The following DNAH7 variants were observed in gnomAD, a reference collection of about 807,000 sequenced individuals.
The protein encoded by DNAH7 is dynein axonemal heavy chain 7, also known as axonemal beta dynein heavy chain 7.
In DNAH7, 397 loss-of-function variants were observed where a neutral mutation model predicts 444.6. That is an observed-to-expected ratio of 0.89 (90% CI 0.82 to 0.97). DNAH7 has a LOEUF of 0.97. Ranked by LOEUF, DNAH7 falls within the 50% of genes least tolerant of loss-of-function variation. The pLI is 0.00. For missense variants in DNAH7, 4,902 were observed against 4,800.8 expected, an observed-to-expected ratio of 1.02 and a Z score of -0.62; for synonymous variants, 1,636 against 1,624.4, an observed-to-expected ratio of 1.01 and a Z score of -0.17.
In DNAH7 at chr2:195,910,120, A is replaced by C. The variant is rs1399871413; in HGVS notation, c.4011T>G (p.Thr1337=). The C allele has an allele frequency of 2.5e-6, 4 of 1,613,938 alleles. No homozygotes were observed. The highest frequency in any genetic ancestry group is 3.4e-6 in the Non-Finnish European group (4 of 1,179,874). Residue 1337 remains threonine, a synonymous_variant, in exon 25 of 65, where the codon ACT becomes ACG. Transcript: ENST00000312428. The part of the protein sequence containing the change: ...EGPAGTGKTE[T]TKDLAKAVAK... ...CTACAGCTTTTGCCAAATCCTTGGT[A>C]GTTTCAGTCTTCCCAGTGCCAGCTG... is the stretch of plus-strand genomic sequence containing the variant.
rs762518827 is a variant in DNAH7, at chr2:195,864,485, A to G, written c.7170T>C (p.Gly2390=). The G allele has an allele frequency of 6.2e-7, 1 of 1,614,152 alleles. No homozygotes were observed. Among genetic ancestry groups the G allele is most frequent in the Non-Finnish European group, 8.5e-7 (1 of 1,180,020 alleles). ...LKVILRKCAE[G]EMQGVFLFTD... is the part of the protein sequence containing the mutation. ...TAAACAGGAAGACACCCTGCATCTC[A>G]CCTTCCGCACATTTCCTTAAGATCA... is the stretch of plus-strand genomic sequence containing the variant. Residue 2390 remains glycine (G), a synonymous_variant, in exon 41 of 65, where the codon GGT becomes GGC. Coordinates refer to ENST00000312428, the MANE Select transcript of DNAH7 (RefSeq NM_018897.3).
intron 61 of DNAH7, among the ~76,000 whole-genome samples, chr2:195,766,837 GAAAT>G (rs972518115): frequency 2.6e-5 from 4 of 152,102 alleles, no homozygotes; most frequent in Admixed American, 6.5e-5. Context: ...ACAAAAATAA[GAAAT>G]AAATAAGTAA....
intron 8 of DNAH7, among the ~76,000 whole-genome samples, 159 bp from the exon 9 acceptor site, chr2:196,019,454 A>C (rs961144754): frequency 2.6e-5 from 4 of 152,140 alleles, no homozygotes; most frequent in Non-Finnish European, 5.9e-5. Context: ...TATAAAGATC[A>C]TATGTTTTAT....
chr2:195,886,439 G>C (rs1322214465), intron 33 of DNAH7, among the ~76,000 whole-genome samples, 167 bp from the exon 34 acceptor site: 1 of 152,060 alleles, frequency 6.6e-6, no homozygotes, highest in African/African-American at 2.4e-5. Flanking sequence ...GGGAGAACTG[G>C]ATGTTACATT....
At chr2:195,781,670 AAC>A (rs34150923) in intron 58 of DNAH7, among the ~76,000 whole-genome samples, 106,540 of 149,830 alleles carry the variant, frequency 0.71, 37,957 homozygotes, top group African/African-American at 0.75. Context: ...TAACTAGCAA[AAC>A]ACACACACAC....
intron 49 of DNAH7, among the ~76,000 whole-genome samples, chr2:195,821,804 G>A (rs1697486014): frequency 6.6e-6 from 1 of 152,164 alleles, no homozygotes; most frequent in Non-Finnish European, 1.5e-5. Context: ...TCCTGCTACT[G>A]GGTGGGAGAT....
Position 195,777,713 on chromosome 2 carries a change from C to G in DNAH7, c.11064+87G>C, listed in dbSNP as rs377346524. Reference sequence around the variant, plus strand: ...AAGGGTAACAAAAAAACAAGGCCTGCAGCAAAATCACCATTTAAAAAATAT... The same window carrying G: ...AAGGGTAACAAAAAAACAAGGCCTGGAGCAAAATCACCATTTAAAAAATAT... On this transcript the variant is annotated intron_variant, in intron 59 of 64. Transcript: ENST00000312428. The G allele has an allele frequency of 8.7e-6, 12 of 1,383,364 alleles. No homozygotes were observed. In the African/African-American group the frequency reaches 1.6e-4, roughly 18 times the overall value. 85.7% of individuals were successfully genotyped at this position (1,383,364 alleles called of 1,614,324 possible).
chr2:195,757,610 T>C (rs193191964), intron 61 of DNAH7, among the ~76,000 whole-genome samples: 6 of 152,294 alleles, frequency 3.9e-5, no homozygotes, highest in Admixed American at 1.3e-4. Flanking sequence ...TTTAAAGACA[T>C]AAGCCCCCAA....
At chr2:195,809,386 G>A (rs1237972110) in intron 52 of DNAH7, among the ~76,000 whole-genome samples, 1 of 152,152 alleles carries the variant, frequency 6.6e-6, no homozygotes, top group South Asian at 2.1e-4. Flanking sequence ...GTATAAAATA[G>A]TGACTTTACA....
chr2:195,987,597 C>G (rs1035030915), intron 13 of DNAH7, among the ~76,000 whole-genome samples: 4 of 151,960 alleles, frequency 2.6e-5, no homozygotes, highest in Non-Finnish European at 5.9e-5. Flanking sequence ...TAGTATTCTA[C>G]TAAACAGAAC....
chr2:196,059,387 G>A (rs1019290838), intron 1 of DNAH7, among the ~76,000 whole-genome samples: 2 of 152,216 alleles, frequency 1.3e-5, no homozygotes, highest in Non-Finnish European at 2.9e-5. Flanking sequence ...CAGATAATAT[G>A]AGTTGTGCTT....
In DNAH7 at chr2:196,019,224, T is replaced by C. The variant is rs778514155; in HGVS notation, c.815A>G (p.Asn272Ser). 1 of 1,531,670 alleles carries C rather than the reference T, an allele frequency of 6.5e-7. No individual in the cohort carries two copies. The highest frequency in any genetic ancestry group is 1.3e-5 in the South Asian group (1 of 75,398). The allele number at this position is 1,531,670 out of a possible 1,614,324, so 94.9% of individuals were successfully genotyped here. The change falls in exon 9 of 65, where the codon AAT becomes AGT. Residue 272 changes from asparagine to serine, a missense_variant. Transcript: ENST00000312428. ...AGCCAGCATTGTGGGGTTCATTGCA[T>C]TCAAGTGATCCCTAATATAACTGCT... ...AASSYIRDHL[N>S]AMNPTMLAVL...
intron 61 of DNAH7, among the ~76,000 whole-genome samples, chr2:195,766,701 G>T (rs1694603389): frequency 6.6e-6 from 1 of 152,126 alleles, no homozygotes; most frequent in Non-Finnish European, 1.5e-5. Context: ...TTCATTGTTT[G>T]TAACACAAAG....
Position 196,024,435 on chromosome 2 carries a change from C to A in DNAH7, c.737G>T (p.Arg246Leu). Reference sequence around the variant, plus strand: ...GAGAAATCTGATCACTTACTCAGCACGATGGGCTGGAAGTTCATCTGTCTT... The same window carrying A: ...GAGAAATCTGATCACTTACTCAGCAAGATGGGCTGGAAGTTCATCTGTCTT... ...DKKTDELPAH[R>L]AEMEILPKPW... is the part of the protein sequence containing the mutation. The change falls in exon 8 of 65, where the codon CGT becomes CTT. Residue 246 changes from arginine (R) to leucine (L), a missense_variant. By Grantham distance (102) the Arg-to-Leu change is moderately radical. Coordinates refer to ENST00000312428, the MANE Select transcript of DNAH7 (RefSeq NM_018897.3). 1 of 1,581,362 alleles carries A rather than the reference C, an allele frequency of 6.3e-7. No homozygotes were observed. The highest frequency in any genetic ancestry group is 8.6e-7 in the Non-Finnish European group (1 of 1,166,184).
At position 195,883,451 on chromosome 2, in the gene DNAH7, T is replaced by TCCCCCCC. The variant is rs778869268; in HGVS notation, c.5763+1127_5763+1133dup. Among the ~76,000 whole-genome samples, 30 of 121,070 alleles carry TCCCCCCC rather than the reference T, an allele frequency of 2.5e-4. 1 individual carries two copies. The highest frequency in any genetic ancestry group is 9.3e-4 in the African/African-American group (29 of 31,072). 79.4% of individuals were successfully genotyped at this position (121,070 alleles called of 152,430 possible). On this transcript the variant is annotated intron_variant, in intron 35 of 64. Coordinates refer to ENST00000312428, the MANE Select transcript of DNAH7 (RefSeq NM_018897.3). ...CAACACAGCGAGACTCAGTCCCCGCTCCCCCCCCCCAAAAAAAAAGAATCA... is the reference window on the plus strand; with the variant it reads ...CAACACAGCGAGACTCAGTCCCCGCTCCCCCCCCCCCCCCCCCAAAAAAAAAGAATCA...
chr2:196,051,111 T>A, intron 3 of DNAH7, 76 bp downstream of exon 3: 1 of 1,359,166 alleles, frequency 7.4e-7, no homozygotes, highest in Non-Finnish European at 1.0e-6. Flanking sequence ...ATTTGCTTAC[T>A]TATTTTCAAG....
Position 195,864,216 on chromosome 2 carries a change from T to A in DNAH7, c.7439A>T (p.Asp2480Val), listed in dbSNP as rs772065245. The A allele has an allele frequency of 5.0e-6, 8 of 1,614,116 alleles. No homozygotes were observed. The Admixed American group carries it at 1.0e-4, about 20-fold the overall frequency. The stretch of plus-strand genomic sequence containing the variant: ...CTTTCTAAGACGATTCCGAAATGCA[T>A]CTCCAATGGGACTCATGGCAAGGAC... ...HVVLAMSPIG[D>V]AFRNRLRKFP... is the part of the protein sequence containing the mutation. Residue 2480 changes from aspartate to valine, a missense_variant, in exon 41 of 65, where the codon GAT becomes GTT. Transcript: ENST00000312428.
intron 15 of DNAH7, among the ~76,000 whole-genome samples, chr2:195,983,052 T>C (rs1243327737): frequency 3.9e-5 from 6 of 152,194 alleles, no homozygotes; most frequent in Non-Finnish European, 7.3e-5. Context: ...ATGTGATTAT[T>C]ACACATTGTA....
At position 195,740,752 on chromosome 2, in the gene DNAH7, T is replaced by A. The variant is rs773273931; in HGVS notation, c.11868+14A>T. ...AAATAATTCCACATGTATATATAAT[T>A]AGAATTTACTAACCACAGGCACTGT... On this transcript the variant is annotated intron_variant, in intron 64 of 64. Transcript: ENST00000312428. 7.5e-7 allele frequency: 1 copy of A among 1,332,090 alleles called. No individual in the cohort carries two copies. The allele number at this position is 1,332,090 out of a possible 1,614,324, so 82.5% of individuals were successfully genotyped here. A position where few individuals can be genotyped will look rare whatever the true frequency, so the allele number is the denominator to read the frequency against.
Sources: gnomAD v4.1 joint callset for allele counts (sites outside exome capture counted in the v4.1 genomes callset) on GRCh38, gnomAD v4.1.1 for gene constraint, MANE v1.5 for transcripts, NCBI Gene and HGNC (gene_info 2026-07-23, HGNC 2026-07-21) for gene names.